The following IQSEC2 variants were observed in gnomAD, a reference collection of about 807,000 sequenced individuals.
IQSEC2 encodes IQ motif and Sec7 domain ArfGEF 2.
A neutral mutation model predicts 74.6 loss-of-function variants in IQSEC2; 6 were observed. The ratio of observed to expected loss-of-function variants is 0.08; its 90% CI spans 0.04 to 0.16. The LOEUF (loss-of-function observed/expected upper bound fraction) is 0.16, where lower values mean the gene tolerates loss of function less well. Among genes scored for constraint, IQSEC2 ranks in the 10% least tolerant of loss-of-function variants. The probability of loss-of-function intolerance (pLI) is 1.00; values close to 1 mark genes in which losing one functional copy is unlikely to be tolerated. For synonymous variants in IQSEC2, 494 were observed against 544.5 expected, an observed-to-expected ratio of 0.91 and a Z score of 1.29; for missense variants, 734 against 1,306.2, an observed-to-expected ratio of 0.56 and a Z score of 6.75.
Position 53,233,571 on chromosome X carries a change from C to A in IQSEC2, c.*648G>T, listed in dbSNP as rs1556858743. 1 of 182,987 alleles carries A rather than the reference C, an allele frequency of 5.5e-6. No individual in the cohort carries two copies. Among genetic ancestry groups the A allele is most frequent in the East Asian group, 1.0e-4 (1 of 9,844 alleles). The allele number at this position is 182,987 out of a possible 1,213,427, so 15.1% of individuals were successfully genotyped here. ...CCGAAGAGGTCTGGGCTGGGGCCTACTGGAGAAAGGGCATAGACTGGCTCG... is the reference window on the plus strand; with the variant it reads ...CCGAAGAGGTCTGGGCTGGGGCCTAATGGAGAAAGGGCATAGACTGGCTCG... On this transcript the variant is annotated 3_prime_UTR_variant, in exon 15 of 15. Coordinates refer to ENST00000642864, the MANE Select transcript of IQSEC2 (RefSeq NM_001111125.3).
In IQSEC2 at chrX:53,305,211, G is replaced by A. The variant is rs987020931; in HGVS notation, c.708-13287C>T. 2.4e-4 allele frequency among the ~76,000 whole-genome samples: 25 copies of A among 105,227 alleles called. No homozygotes were observed. The East Asian group carries it at 4.9e-3, about 21-fold the overall frequency. The allele number at this position is 105,227 out of a possible 115,157, so 91.4% of individuals were successfully genotyped here. ...TAGGATTACAAGTGTGACCCACCAC[G>A]CCCGGCCTTATTTATTTTTTTAGAC... On this transcript the variant is annotated intron_variant, in intron 1 of 14. Transcript: ENST00000642864.
chrX:53,317,773 G>A (rs373333884), intron 1 of IQSEC2, among the ~76,000 whole-genome samples: 1 of 112,581 alleles, frequency 8.9e-6, no homozygotes, highest in Non-Finnish European at 1.9e-5. Context: ...GCTTCCAGCG[G>A]CTTCTCACCC....
intron 1 of IQSEC2, among the ~76,000 whole-genome samples, chrX:53,294,861 C>T (rs912362905): frequency 1.8e-5 from 2 of 111,208 alleles, no homozygotes; most frequent in Non-Finnish European, 3.8e-5. Context: ...CTTGCTCTGT[C>T]GCCCAGGCTG....
chrX:53,285,772 G>A (rs73492174), intron 2 of IQSEC2, among the ~76,000 whole-genome samples: 1,870 of 112,506 alleles, frequency 0.017, 40 homozygotes, highest in African/African-American at 0.057. Flanking sequence ...AGAGTCAGGA[G>A]GCCTCTGAGG....
intron 1 of IQSEC2, among the ~76,000 whole-genome samples, chrX:53,299,759 T>TG (rs1556875054): frequency 9.6e-6 from 1 of 104,370 alleles, no homozygotes; most frequent in Non-Finnish European, 2.0e-5. Flanking sequence ...AGACAAGACT[T>TG]TTTTTTTTTA....
At chrX:53,266,793 A>C in intron 2 of IQSEC2, 13 of 999,996 alleles carry the variant, frequency 1.3e-5, no homozygotes, top group Non-Finnish European at 1.0e-5. Context: ...AGCAGTGGGG[A>C]TGGGAATTCC....
intron 1 of IQSEC2, among the ~76,000 whole-genome samples, chrX:53,292,864 A>G (rs2075115411): frequency 8.9e-6 from 1 of 111,757 alleles, no homozygotes; most frequent in South Asian, 3.7e-4. Flanking sequence ...CACTGCGTGC[A>G]GGGAAGGGGC....
intron 1 of IQSEC2, among the ~76,000 whole-genome samples, chrX:53,298,598 T>C (rs996148155): frequency 8.9e-6 from 1 of 111,956 alleles, no homozygotes; most frequent in African/African-American, 3.2e-5. Context: ...TCATTTATCT[T>C]GCTGGGTACT....
At chrX:53,267,712 G>T (rs781831987) in intron 2 of IQSEC2, among the ~76,000 whole-genome samples, 2 of 111,876 alleles carry the variant, frequency 1.8e-5, no homozygotes, top group African/African-American at 6.5e-5. Context: ...GAAGCAAACA[G>T]ACCTGGGTTC....
downstream of IQSEC2, chrX:53,228,891 A>G (rs35053938): frequency 8.9e-6 from 1 of 112,775 alleles, no homozygotes; most frequent in Non-Finnish European, 1.9e-5. Flanking sequence ...CATATACATA[A>G]CAATAAAATG....
Position 53,248,097 on chromosome X carries a change from G to C in IQSEC2, c.2582+17C>G. ...ACAGGAGGGAGGGGCAGCTTCGCGA[G>C]TGGGAGGTAGGCACACCTGAAGGCT... On this transcript the variant is annotated intron_variant, in intron 7 of 14. Coordinates refer to ENST00000642864, the MANE Select transcript of IQSEC2 (RefSeq NM_001111125.3). The C allele has an allele frequency of 5.8e-6, 7 of 1,211,205 alleles. No individual in the cohort carries two copies. Among genetic ancestry groups the C allele is most frequent in the Non-Finnish European group, 7.8e-6 (7 of 895,080 alleles).
downstream of IQSEC2, chrX:53,225,877 C>G (rs143413544): frequency 8.9e-6 from 1 of 112,355 alleles, no homozygotes; most frequent in African/African-American, 3.2e-5. Context: ...CGATTCTTAC[C>G]CCCCAAAAGT....
At chrX:53,279,238 C>G (rs2074897177) in intron 2 of IQSEC2, 1 of 244,356 alleles carries the variant, frequency 4.1e-6, no homozygotes. Flanking sequence ...TTCCCTCTGC[C>G]TAACTGCCCT....
At chrX:53,272,897 G>T (rs184289857) in intron 2 of IQSEC2, among the ~76,000 whole-genome samples, 5 of 111,696 alleles carry the variant, frequency 4.5e-5, no homozygotes, top group East Asian at 2.8e-4. Context: ...AGTTGGCTAT[G>T]AGGAAAACAA....
In IQSEC2 at chrX:53,233,935, CGG is replaced by C; in HGVS notation, c.*282_*283del. 1 of 296,967 alleles carries C rather than the reference CGG, an allele frequency of 3.4e-6. No individual in the cohort carries two copies. Among genetic ancestry groups the C allele is most frequent in the Non-Finnish European group, 5.9e-6 (1 of 170,459 alleles). 24.5% of individuals were successfully genotyped at this position (296,967 alleles called of 1,213,427 possible). A position where few individuals can be genotyped will look rare whatever the true frequency, so the allele number is the denominator to read the frequency against. On this transcript the variant is annotated 3_prime_UTR_variant, in exon 15 of 15. Coordinates refer to ENST00000642864, the MANE Select transcript of IQSEC2 (RefSeq NM_001111125.3). ...CAGGGAAAAGTGGGGAAGAAGAAGA[CGG>C]GAGAAAGAGTACGAGGATCTCTGGA... is the stretch of plus-strand genomic sequence containing the variant.
At chrX:53,319,708 AC>A (rs1306485887) in intron 1 of IQSEC2, among the ~76,000 whole-genome samples, 2 of 111,789 alleles carry the variant, frequency 1.8e-5, no homozygotes, top group Non-Finnish European at 3.8e-5. Context: ...AGGAACTGGA[AC>A]CGATCCAGCA....
intron 2 of IQSEC2, among the ~76,000 whole-genome samples, chrX:53,265,632 A>G (rs1289255964): frequency 9.0e-6 from 1 of 111,442 alleles, no homozygotes; most frequent in African/African-American, 3.3e-5. Flanking sequence ...CACTTCAGAC[A>G]CATCATGGAA....
chrX:53,277,170 C>T (rs782279150), intron 2 of IQSEC2, among the ~76,000 whole-genome samples: 3 of 110,481 alleles, frequency 2.7e-5, no homozygotes. Flanking sequence ...TCCAGAATAC[C>T]AACTGGACCT....
chrX:53,320,748 G>T lies in IQSEC2; in HGVS notation c.376C>A (p.Arg126=), dbSNP rs782810437. 15 of 1,165,895 alleles carry T rather than the reference G, an allele frequency of 1.3e-5. No individual in the cohort carries two copies. The highest frequency in any genetic ancestry group is 1.7e-5 in the Non-Finnish European group (15 of 872,358). Reference sequence around the variant, plus strand: ...TCCTTGTCCCGATACACAGCCTCCCGATTCTGGTAGGCGCCTTCCCGGTTC... The same window carrying T: ...TCCTTGTCCCGATACACAGCCTCCCTATTCTGGTAGGCGCCTTCCCGGTTC... ...YPNREGAYQN[R]EAVYRDKERD... is the part of the protein sequence containing the mutation. The change falls in exon 1 of 15, where the codon CGG becomes AGG. Residue 126 remains arginine, a synonymous_variant. Coordinates refer to ENST00000642864, the MANE Select transcript of IQSEC2 (RefSeq NM_001111125.3).
Sources: gnomAD v4.1 joint callset for allele counts (sites outside exome capture counted in the v4.1 genomes callset) on GRCh38, gnomAD v4.1.1 for gene constraint, MANE v1.5 for transcripts, NCBI Gene and HGNC (gene_info 2026-07-23, HGNC 2026-07-21) for gene names.